Variants in SLC13A4 observed in about 807,000 individuals in gnomAD.
The protein encoded by SLC13A4 is solute carrier family 13 member 4, also known as Na(+)/sulfate cotransporter SUT-1.
In SLC13A4, 28 loss-of-function variants were observed where a neutral mutation model predicts 72.7. That is an observed-to-expected ratio of 0.39 (90% CI 0.29 to 0.53). SLC13A4 has a LOEUF of 0.53. SLC13A4 is among the 20% of genes least tolerant of loss of function. SLC13A4 has a pLI of 0.78. For missense variants in SLC13A4, 653 were observed against 788.0 expected (o/e 0.83, Z 2.05); for synonymous variants, 312 against 325.5 (o/e 0.96, Z 0.45).
intron 13 of SLC13A4, among the ~76,000 whole-genome samples, chr7:135,690,887 G>A (rs191200391): frequency 3.3e-5 from 5 of 152,262 alleles, no homozygotes; most frequent in Admixed American, 3.3e-4. Context: ...AATTCAAGCC[G>A]GGTGCAGTGG....
rs545006552 is a variant in SLC13A4 at position 135,705,764 on chromosome 7, AT to A, written c.539-115del. The A allele has an allele frequency of 2.6e-4, 223 of 852,446 alleles. 1 individual carries two copies. The Middle Eastern group carries it at 3.3e-3, about 13-fold the overall frequency. The allele number at this position is 852,446 out of a possible 1,614,324, so 52.8% of individuals were successfully genotyped here. On this transcript the variant is annotated intron_variant, in intron 4 of 15. Transcript: ENST00000682651. ...AGGTGGGCCATATGGAGTGGGTGAC[AT>A]TTCTCCTTCCCTTTGCTCTGTAAAT... is the stretch of plus-strand genomic sequence containing the variant.
chr7:135,715,261 G>C (rs1049558398), intron 2 of SLC13A4, among the ~76,000 whole-genome samples: 2 of 151,560 alleles, frequency 1.3e-5, no homozygotes, highest in East Asian at 3.9e-4. Flanking sequence ...GTATGAGTGT[G>C]GGCATGTGTA....
At chr7:135,683,914 G>T in intron 15 of SLC13A4, 1 of 624,934 alleles carries the variant, frequency 1.6e-6, no homozygotes, top group Non-Finnish European at 2.0e-6. Context: ...TCCTTCCAGG[G>T]AAGGGTTGGG....
In SLC13A4 at chr7:135,708,126, G is replaced by A; in HGVS notation, c.353C>T (p.Ala118Val). 1 of 1,613,382 alleles carries A rather than the reference G, an allele frequency of 6.2e-7. No individual in the cohort carries two copies. The highest frequency in any genetic ancestry group is 8.5e-7 in the Non-Finnish European group (1 of 1,179,368). The change falls in exon 3 of 16, where the codon GCC becomes GTC. Residue 118 changes from alanine to valine, a missense_variant. Coordinates refer to ENST00000682651, the MANE Select transcript of SLC13A4 (RefSeq NM_001318192.2). ...IALRMVLMAG[A>V]KPGMLLLCFM... The stretch of plus-strand genomic sequence containing the variant: ...AAATAAGACTTACATGCCCGGCTTG[G>A]CTCCGGCCATCAAGACCATGCGCAG...
At chr7:135,716,956 C>T (rs1584739373) in intron 2 of SLC13A4, among the ~76,000 whole-genome samples, 2 of 152,140 alleles carry the variant, frequency 1.3e-5, no homozygotes, top group Admixed American at 6.5e-5. Context: ...GGGTCTTTTT[C>T]GCATGAACTG....
At chr7:135,701,415 T>C (rs1796031455) in intron 7 of SLC13A4, among the ~76,000 whole-genome samples, 1 of 135,626 alleles carries the variant, frequency 7.4e-6, no homozygotes, top group Non-Finnish European at 1.6e-5. Context: ...CTTTGAAGAC[T>C]AGTTTGAGGA....
At chr7:135,710,981 A>ATGGTGG (rs1385985062) in intron 2 of SLC13A4, among the ~76,000 whole-genome samples, 6 of 10,674 alleles carry the variant, frequency 5.6e-4, no homozygotes, top group African/African-American at 2.5e-3. Flanking sequence ...GGCGGTGATC[A>ATGGTGG]TGGTGGTGGG....
At chr7:135,699,626 T>C (rs1795986170) in intron 7 of SLC13A4, 78 bp from the exon 8 acceptor site, 6 of 1,337,960 alleles carry the variant, frequency 4.5e-6, no homozygotes, top group Non-Finnish European at 6.1e-6. Context: ...GGAGGCACCA[T>C]GGTACAGCGG....
chr7:135,701,821 G>T, intron 6 of SLC13A4, 61 bp from the exon 7 acceptor site: 1 of 1,541,336 alleles, frequency 6.5e-7, no homozygotes, highest in Non-Finnish European at 8.9e-7. Context: ...GGTGCCTCGA[G>T]AAGGACCACC....
chr7:135,690,180 C>CAAAAAAAA (rs57390577), intron 13 of SLC13A4, among the ~76,000 whole-genome samples: 1 of 29,610 alleles, frequency 3.4e-5, no homozygotes, highest in Non-Finnish European at 7.2e-5. Context: ...GACTCTGTCT[C>CAAAAAAAA]AAAAAAAAAA....
intron 1 of SLC13A4, among the ~76,000 whole-genome samples, chr7:135,724,952 G>T (rs73454441): frequency 0.03 from 4,545 of 152,286 alleles, 171 homozygotes; most frequent in African/African-American, 0.091. Context: ...TGTCTAGCAG[G>T]TGGTTCAATT....
At chr7:135,715,251 G>T (rs1481354039) in intron 2 of SLC13A4, among the ~76,000 whole-genome samples, 1 of 151,404 alleles carries the variant, frequency 6.6e-6, no homozygotes, top group Non-Finnish European at 1.5e-5. Context: ...ATGTGTATGT[G>T]TATGAGTGTG....
At chr7:135,687,011 T>C (rs910510738) in intron 13 of SLC13A4, among the ~76,000 whole-genome samples, 1 of 152,086 alleles carries the variant, frequency 6.6e-6, no homozygotes, top group African/African-American at 2.4e-5. Context: ...GAACCGAGAT[T>C]GTGCCATTGC....
intron 2 of SLC13A4, 47 bp from the exon 3 acceptor site, chr7:135,708,297 C>CA: frequency 1.2e-6 from 2 of 1,611,196 alleles, no homozygotes; most frequent in Non-Finnish European, 1.7e-6. Flanking sequence ...ACCAAAGACC[C>CA]AGGGCCCAGC....
chr7:135,683,135 C>T (rs1339041356), intron 15 of SLC13A4, among the ~76,000 whole-genome samples: 1 of 151,586 alleles, frequency 6.6e-6, no homozygotes, highest in Non-Finnish European at 1.5e-5. Context: ...CCCATCTCTA[C>T]TAAAAATACA....
At chr7:135,723,913 A>G (rs1230961336) in intron 1 of SLC13A4, among the ~76,000 whole-genome samples, 2 of 152,176 alleles carry the variant, frequency 1.3e-5, no homozygotes, top group East Asian at 3.8e-4. Flanking sequence ...CAATGGTGGA[A>G]AAAAAAAGAG....
At chr7:135,714,288 A>G (rs755710847) in intron 2 of SLC13A4, among the ~76,000 whole-genome samples, 1 of 152,220 alleles carries the variant, frequency 6.6e-6, no homozygotes, top group Non-Finnish European at 1.5e-5. Flanking sequence ...CAACTCCTGC[A>G]TGACTGGAGA....
intron 13 of SLC13A4, among the ~76,000 whole-genome samples, chr7:135,688,102 A>G (rs934950422): frequency 6.6e-6 from 1 of 151,416 alleles, no homozygotes; most frequent in Admixed American, 6.6e-5. Flanking sequence ...CAGCCTCCCA[A>G]GTAGCTGGGA....
At chr7:135,712,726 G>A (rs1051577305) in intron 2 of SLC13A4, among the ~76,000 whole-genome samples, 2 of 152,150 alleles carry the variant, frequency 1.3e-5, no homozygotes, top group Admixed American at 6.5e-5. Context: ...TCTGTTCAGT[G>A]GTGTTGTTTA....
Sources: allele counts gnomAD v4.1 joint callset (sites outside exome capture counted in the v4.1 genomes callset), GRCh38; gene constraint gnomAD v4.1.1; transcripts MANE v1.5; gene names NCBI Gene and HGNC (gene_info 2026-07-23, HGNC 2026-07-21).